LAMA3: variants seen among roughly 807,000 people sequenced by gnomAD.
LAMA3 encodes laminin subunit alpha 3.
LAMA3 carries 281 observed loss-of-function variants against 402.0 expected under a neutral mutation model. The ratio of observed to expected loss-of-function variants is 0.70; its 90% CI spans 0.63 to 0.77. The LOEUF (loss-of-function observed/expected upper bound fraction) is 0.77. Among genes scored for constraint, LAMA3 ranks in the 30% least tolerant of loss-of-function variants. The pLI, the probability that LAMA3 is intolerant of heterozygous loss-of-function variation, is 0.00. For missense variants in LAMA3, 3,840 were observed against 4,215.5 expected, an observed-to-expected ratio of 0.91 and a Z score of 2.47; for synonymous variants, 1,431 against 1,558.4, an observed-to-expected ratio of 0.92 and a Z score of 1.93.
intron 8 of LAMA3, among the ~76,000 whole-genome samples, chr18:23,773,251 C>T (rs1324625652): frequency 6.6e-6 from 1 of 152,234 alleles, no homozygotes; most frequent in African/African-American, 2.4e-5. Flanking sequence ...AAAGCCTGGG[C>T]TTGTCCAGTT....
chr18:23,871,854 C>T (rs113237607), intron 38 of LAMA3, among the ~76,000 whole-genome samples, 193 bp downstream of exon 38: 27 of 152,294 alleles, frequency 1.8e-4, no homozygotes, highest in South Asian at 6.2e-4. Context: ...ATCAGTGTCT[C>T]AGAATTCATA....
chr18:23,942,660 C>A (rs1426638412), intron 68 of LAMA3, among the ~76,000 whole-genome samples: 1 of 151,206 alleles, frequency 6.6e-6, no homozygotes, highest in South Asian at 2.1e-4. Context: ...TCACTACAAC[C>A]TCCACCTCCT....
chr18:23,877,704 A>C (rs2064767791), intron 39 of LAMA3, among the ~76,000 whole-genome samples: 1 of 152,256 alleles, frequency 6.6e-6, no homozygotes, highest in Non-Finnish European at 1.5e-5. Context: ...TATAAATTCA[A>C]AAAGAGTAAA....
At chr18:23,724,408 T>C (rs1231981652) in intron 2 of LAMA3, among the ~76,000 whole-genome samples, 1 of 152,126 alleles carries the variant, frequency 6.6e-6, no homozygotes, top group Non-Finnish European at 1.5e-5. Flanking sequence ...TGAAAAAGCT[T>C]CCTTGGAGTT....
Position 23,854,295 on chromosome 18 carries a change from A to C in LAMA3, c.4137-3549A>C, listed in dbSNP as rs1276057389. On this transcript the variant is annotated intron_variant, in intron 32 of 74. Coordinates refer to ENST00000313654, the MANE Select transcript of LAMA3 (RefSeq NM_198129.4). ...CTCCTTGTCTGGACAAGCAGCTTCC[A>C]CAGCTGCCCTTGCTGCAGGTACTCT... Among the ~76,000 whole-genome samples the C allele has an allele frequency of 5.9e-5, 9 of 152,294 alleles. No individual in the cohort carries two copies. The East Asian group carries it at 1.7e-3, about 29-fold the overall frequency.
intron 2 of LAMA3, among the ~76,000 whole-genome samples, chr18:23,732,575 G>T (rs1331700548): frequency 6.6e-6 from 1 of 152,134 alleles, no homozygotes; most frequent in Non-Finnish European, 1.5e-5. Flanking sequence ...GCTCCTTGAA[G>T]AAGGGACCTG....
rs374720588 is a variant in LAMA3, at chr18:23,839,663, C to T, written c.3192-122C>T. 3.0e-6 allele frequency: 3 copies of T among 994,736 alleles called. No homozygotes were observed. The highest frequency in any genetic ancestry group is 1.6e-5 in the African/African-American group (1 of 62,248). The allele number at this position is 994,736 out of a possible 1,614,324, so 61.6% of individuals were successfully genotyped here. A position where few individuals can be genotyped will look rare whatever the true frequency, so the allele number is the denominator to read the frequency against. ...GATCCCTAGAGTTCTGTGCTTCCCC[C>T]AGCACTGGATCCTTTTGATGCCCAT... is the stretch of plus-strand genomic sequence containing the variant. On this transcript the variant is annotated intron_variant, in intron 26 of 74. Transcript: ENST00000313654. This position sits in a 1 kb window ranked among gnomAD's most constrained non-coding sequence, Gnocchi z 4.5.
intron 2 of LAMA3, among the ~76,000 whole-genome samples, chr18:23,745,809 A>G (rs993421769): frequency 2.0e-5 from 3 of 152,224 alleles, no homozygotes; most frequent in African/African-American, 7.2e-5. Flanking sequence ...TATGTGTGCT[A>G]TGATTGTGGG....
chr18:23,720,824 T>G (rs991683131), intron 2 of LAMA3, among the ~76,000 whole-genome samples: 3 of 152,106 alleles, frequency 2.0e-5, no homozygotes, highest in Non-Finnish European at 4.4e-5. Flanking sequence ...AATTTATACA[T>G]TAGGAAGAAT....
At chr18:23,931,424 A>G in intron 65 of LAMA3, 1 of 527,500 alleles carries the variant, frequency 1.9e-6, no homozygotes, top group African/African-American at 1.9e-5. Flanking sequence ...AAGAAGGCTG[A>G]GGCAAGAGGG....
chr18:23,703,784 A>G (rs2060834307), intron 1 of LAMA3, among the ~76,000 whole-genome samples: 1 of 152,192 alleles, frequency 6.6e-6, no homozygotes, highest in South Asian at 2.1e-4. Flanking sequence ...TGGTGCCATG[A>G]AACCTTGTGT....
At chr18:23,782,037 A>C (rs557797118) in intron 11 of LAMA3, among the ~76,000 whole-genome samples, 1 of 152,212 alleles carries the variant, frequency 6.6e-6, no homozygotes, top group Non-Finnish European at 1.5e-5. Context: ...TAATTCCACA[A>C]CTTAGTTACT....
intron 24 of LAMA3, among the ~76,000 whole-genome samples, chr18:23,835,527 CA>C (rs1184250936): frequency 6.6e-6 from 1 of 152,168 alleles, no homozygotes; most frequent in East Asian, 1.9e-4. Flanking sequence ...ATGACAACAC[CA>C]AAGTCCTGCT....
intron 2 of LAMA3, among the ~76,000 whole-genome samples, chr18:23,745,450 A>G (rs1245697742): frequency 6.6e-6 from 1 of 152,186 alleles, no homozygotes; most frequent in African/African-American, 2.4e-5. Context: ...TCTAGAATAG[A>G]ATTTTAGCAT....
At chr18:23,725,913 C>G (rs1165880956) in intron 2 of LAMA3, among the ~76,000 whole-genome samples, 1 of 152,212 alleles carries the variant, frequency 6.6e-6, no homozygotes, top group Non-Finnish European at 1.5e-5. Context: ...TTCAGCGCAC[C>G]ATGCATGACA....
chr18:23,882,446 A>G (rs1254814683), intron 40 of LAMA3, among the ~76,000 whole-genome samples: 2 of 152,034 alleles, frequency 1.3e-5, no homozygotes, highest in Admixed American at 6.6e-5. Flanking sequence ...CCTGGCCAAC[A>G]TGGTGAAACC....
At chr18:23,732,318 A>G (rs1283510094) in intron 2 of LAMA3, among the ~76,000 whole-genome samples, 1 of 152,160 alleles carries the variant, frequency 6.6e-6, no homozygotes, top group African/African-American at 2.4e-5. Flanking sequence ...GCTTTGGTGC[A>G]GAAAGATGAG....
intron 13 of LAMA3, among the ~76,000 whole-genome samples, chr18:23,811,951 G>A (rs1401545645): frequency 6.6e-6 from 1 of 151,854 alleles, no homozygotes; most frequent in Non-Finnish European, 1.5e-5. Flanking sequence ...TCAGCTCACT[G>A]CGAGCTCTGC....
intron 2 of LAMA3, among the ~76,000 whole-genome samples, chr18:23,743,319 T>G (rs1443353629): frequency 6.6e-6 from 1 of 152,224 alleles, no homozygotes; most frequent in Non-Finnish European, 1.5e-5. Flanking sequence ...TTGATTCTAC[T>G]ACAACTTAGC....
Sources: gnomAD v4.1 joint callset for allele counts (sites outside exome capture counted in the v4.1 genomes callset) on GRCh38, gnomAD v4.1.1 for gene constraint, Gnocchi (gnomAD v3.1) non-coding constraint, MANE v1.5 for transcripts, NCBI Gene and HGNC (gene_info 2026-07-23, HGNC 2026-07-21) for gene names.